THAP9: variants seen among roughly 807,000 people sequenced by gnomAD.
THAP9 encodes THAP domain containing 9, also known as DNA transposase THAP9.
THAP9 carries 20 observed loss-of-function variants against 35.7 expected under a neutral mutation model. The ratio of observed to expected loss-of-function variants is 0.56; its 90% CI spans 0.39 to 0.81. The LOEUF (loss-of-function observed/expected upper bound fraction) is 0.81, where lower values mean the gene tolerates loss of function less well. Ranked by LOEUF, THAP9 falls within the 40% of genes least tolerant of loss-of-function variation. The probability of loss-of-function intolerance (pLI) is 0.00; values close to 1 mark genes in which losing one functional copy is unlikely to be tolerated. For missense variants in THAP9, 870 were observed against 1,047.4 expected (o/e 0.83, Z 2.34); for synonymous variants, 335 against 373.7 (o/e 0.90, Z 1.19).
rs192010049 is a variant in THAP9 at position 82,903,842 on chromosome 4, A to G, written c.81-894A>G. Among the ~76,000 whole-genome samples the G allele has an allele frequency of 1.0e-3, 154 of 152,328 alleles. No homozygotes were observed. The Middle Eastern group carries it at 0.01, about 10-fold the overall frequency. ...AACATGGCCTTTGACTGGAGGCCTC[A>G]GTTCCTCACCAACTAGTTTTCTCCA... On this transcript the variant is annotated intron_variant, in intron 1 of 4. Coordinates refer to ENST00000302236, the MANE Select transcript of THAP9 (RefSeq NM_024672.6).
chr4:82,905,236 A>G (rs1720597208), intron 2 of THAP9, among the ~76,000 whole-genome samples: 2 of 152,162 alleles, frequency 1.3e-5, no homozygotes, highest in East Asian at 3.8e-4. Flanking sequence ...TAAGTATGAG[A>G]CAGCTTTCAT....
chr4:82,905,928 T>A (rs1191584006), intron 2 of THAP9: 6 of 456,450 alleles, frequency 1.3e-5, no homozygotes, highest in Non-Finnish European at 2.2e-5. Flanking sequence ...CAAACCCAGG[T>A]CAGTCTTAAT....
At position 82,919,026 on chromosome 4, in the gene THAP9, C is replaced by G; in HGVS notation, c.*102C>G. 2.1e-6 allele frequency: 2 copies of G among 935,200 alleles called. No individual in the cohort carries two copies. The highest frequency in any genetic ancestry group is 3.1e-6 in the Non-Finnish European group (2 of 640,182). The allele number at this position is 935,200 out of a possible 1,614,324, so 57.9% of individuals were successfully genotyped here. Reference sequence around the variant, plus strand: ...TAAATTGCGCATTCTGCACAGTGGACAAGTTTGCAATTCTGACTTATTAAA... The same window carrying G: ...TAAATTGCGCATTCTGCACAGTGGAGAAGTTTGCAATTCTGACTTATTAAA... On this transcript the variant is annotated 3_prime_UTR_variant, in exon 5 of 5. Coordinates refer to ENST00000302236, the MANE Select transcript of THAP9 (RefSeq NM_024672.6).
At chr4:82,901,621 G>A (rs1720382781) in intron 1 of THAP9, among the ~76,000 whole-genome samples, 1 of 151,982 alleles carries the variant, frequency 6.6e-6, no homozygotes, top group African/African-American at 2.4e-5. Flanking sequence ...TAGAGGAGTG[G>A]AAAAGTACCT....
At chr4:82,908,503 A>G (rs1164963939) in intron 4 of THAP9, among the ~76,000 whole-genome samples, 1 of 152,260 alleles carries the variant, frequency 6.6e-6, no homozygotes, top group African/African-American at 2.4e-5. Context: ...CTTAGTGTGC[A>G]GCAAATAACA....
chr4:82,918,281 A>T lies in THAP9; in HGVS notation c.2069A>T (p.Glu690Val), dbSNP rs199926972. ...GTTACAAAGACTGTCTTTCACGAAG[A>T]GGGTATTTGTCAAGACTGGTCTCAT... ...VSVTKTVFHE[E>V]GICQDWSHCS... The change falls in exon 5 of 5, where the codon GAG becomes GTG. Residue 690 changes from glutamate (E) to valine (V), a missense_variant. Transcript: ENST00000302236. The T allele has an allele frequency of 9.3e-6, 15 of 1,614,186 alleles. No individual in the cohort carries two copies. The East Asian group carries it at 3.3e-4, about 36-fold the overall frequency.
At chr4:82,901,373 A>AG (rs545534429) in intron 1 of THAP9, among the ~76,000 whole-genome samples, 18 of 152,168 alleles carry the variant, frequency 1.2e-4, no homozygotes, top group Admixed American at 2.0e-4. Context: ...TTGGCTCGAC[A>AG]GTGGGGAAGA....
intron 3 of THAP9, among the ~76,000 whole-genome samples, chr4:82,907,495 A>C (rs1034229166): frequency 6.6e-5 from 10 of 152,018 alleles, no homozygotes; most frequent in African/African-American, 2.2e-4. Flanking sequence ...TCCTCATTTT[A>C]TTTTCTTTTC....
chr4:82,916,340 T>C (rs1721031931), intron 4 of THAP9, among the ~76,000 whole-genome samples: 1 of 152,192 alleles, frequency 6.6e-6, no homozygotes, highest in Non-Finnish European at 1.5e-5. Flanking sequence ...AAAGAACTCC[T>C]AAGATAGTAG....
chr4:82,901,330 T>C (rs1019224787), intron 1 of THAP9, among the ~76,000 whole-genome samples: 5 of 152,204 alleles, frequency 3.3e-5, no homozygotes, highest in Non-Finnish European at 7.3e-5. Flanking sequence ...GGTCCGATTC[T>C]GGCTGGATTT....
rs763262235 is a variant in THAP9 at position 82,917,474 on chromosome 4, T to G, written c.1262T>G (p.Leu421Ter). The change falls in exon 5 of 5, where the codon TTA becomes TGA. Residue 421 changes from leucine (L) to a stop codon, truncating the protein, a stop_gained. Transcript: ENST00000302236. LOFTEE classifies it high-confidence loss of function. ...YFFDSCHLLRLIRNAFQNFQS... is the reference protein window; with the variant it reads ...YFFDSCHLLR ...TTTGACTCTTGCCACTTGCTAAGAT[T>G]AATAAGAAATGCATTTCAGAATTTT... 1 of 1,613,708 alleles carries G rather than the reference T, an allele frequency of 6.2e-7. No individual in the cohort carries two copies. The highest frequency in any genetic ancestry group is 8.5e-7 in the Non-Finnish European group (1 of 1,179,690).
Position 82,918,861 on chromosome 4 carries a change from T to A in THAP9, c.2649T>A (p.Ser883Arg), listed in dbSNP as rs1008582683. ...WSSVQDYKCS[S>R]FANTSSKFRH... ...CTGTACAGGATTATAAATGTTCAAG[T>A]TTTGCTAATACCAGTAGTAAATTCA... Residue 883 changes from serine (S) to arginine (R), a missense_variant, in exon 5 of 5, where the codon AGT becomes AGA. Coordinates refer to ENST00000302236, the MANE Select transcript of THAP9 (RefSeq NM_024672.6). The A allele has an allele frequency of 6.2e-7, 1 of 1,612,816 alleles. No homozygotes were observed. Among genetic ancestry groups the A allele is most frequent in the African/African-American group, 1.3e-5 (1 of 75,008 alleles).
intron 4 of THAP9, among the ~76,000 whole-genome samples, chr4:82,914,862 G>A (rs943375544): frequency 6.6e-6 from 1 of 152,188 alleles, no homozygotes; most frequent in Non-Finnish European, 1.5e-5. Context: ...TTGCTTTGGT[G>A]TCTTTGTCAT....
At chr4:82,911,674 C>G (rs1436151119) in intron 4 of THAP9, among the ~76,000 whole-genome samples, 1 of 152,174 alleles carries the variant, frequency 6.6e-6, no homozygotes, top group Non-Finnish European at 1.5e-5. Context: ...GTCAGCCTCC[C>G]TGAGTAGCTA....
intron 1 of THAP9, among the ~76,000 whole-genome samples, chr4:82,903,091 CTA>C (rs1720493306): frequency 6.6e-6 from 1 of 152,164 alleles, no homozygotes; most frequent in Non-Finnish European, 1.5e-5. Flanking sequence ...GTTCTAGTAA[CTA>C]TGTGTTTTAA....
At chr4:82,902,602 T>G (rs1720471218) in intron 1 of THAP9, among the ~76,000 whole-genome samples, 1 of 152,188 alleles carries the variant, frequency 6.6e-6, no homozygotes, top group Non-Finnish European at 1.5e-5. Context: ...CCTTGCACGT[T>G]TAGAGACTAT....
chr4:82,902,195 A>G (rs895269593), intron 1 of THAP9, among the ~76,000 whole-genome samples: 5 of 130,932 alleles, frequency 3.8e-5, no homozygotes, highest in Admixed American at 9.5e-5. Context: ...CGCAGCCTCT[A>G]TCTCCCAGGC....
rs1298808138 is a variant in THAP9, at chr4:82,906,824, T to C, written c.580+197T>C. 5.3e-5 allele frequency among the ~76,000 whole-genome samples: 8 copies of C among 152,156 alleles called. No individual in the cohort carries two copies. The East Asian group carries it at 1.5e-3, about 29-fold the overall frequency. On this transcript the variant is annotated intron_variant, in intron 3 of 4. Coordinates refer to ENST00000302236, the MANE Select transcript of THAP9 (RefSeq NM_024672.6). Reference sequence around the variant, plus strand: ...GTTTTCCAGTTATAAAAGTAACATTTATTATAGGAAAAGCAAAGAAATATT... The same window carrying C: ...GTTTTCCAGTTATAAAAGTAACATTCATTATAGGAAAAGCAAAGAAATATT...
chr4:82,905,764 G>A, intron 2 of THAP9: 1 of 412,950 alleles, frequency 2.4e-6, no homozygotes, highest in Non-Finnish European at 4.8e-6. Context: ...GCCATGTGTT[G>A]AGAGCTACAA....
Sources: allele counts gnomAD v4.1 joint callset (sites outside exome capture counted in the v4.1 genomes callset), GRCh38; gene constraint gnomAD v4.1.1; transcripts MANE v1.5; gene names NCBI Gene and HGNC (gene_info 2026-07-23, HGNC 2026-07-21).